The following NDUFA9 variants were observed in gnomAD, a reference collection of about 807,000 sequenced individuals.
NDUFA9 encodes the protein NADH:ubiquinone oxidoreductase subunit A9.
A neutral mutation model predicts 45.9 loss-of-function variants in NDUFA9; 23 were observed. The ratio of observed to expected loss-of-function variants is 0.50; its 90% CI spans 0.36 to 0.71. The LOEUF (loss-of-function observed/expected upper bound fraction) is 0.71, where lower values mean the gene tolerates loss of function less well. Among genes scored for constraint, NDUFA9 ranks in the 30% least tolerant of loss-of-function variants. The pLI is 0.00. For synonymous variants in NDUFA9, 176 were observed against 170.5 expected, an observed-to-expected ratio of 1.03 and a Z score of -0.25; for missense variants, 466 against 488.2, an observed-to-expected ratio of 0.95 and a Z score of 0.43.
chr12:4,688,556 C>T lies in NDUFA9; in HGVS notation c.*1448C>T, dbSNP rs1459077496. 1.3e-5 allele frequency: 2 copies of T among 151,018 alleles called. No individual in the cohort carries two copies. Among genetic ancestry groups the T allele is most frequent in the Non-Finnish European group, 2.9e-5 (2 of 67,978 alleles). 9.4% of individuals were successfully genotyped at this position (151,018 alleles called of 1,614,324 possible). ...TGTTGAATCAGAATCTGCATTTTAG[C>T]AAGGTCTCCAGGAGATTTGTATGCA... On this transcript the variant is annotated 3_prime_UTR_variant, in exon 11 of 11. Coordinates refer to ENST00000266544, the MANE Select transcript of NDUFA9 (RefSeq NM_005002.5).
chr12:4,662,106 C>G (rs571225200), intron 5 of NDUFA9, among the ~76,000 whole-genome samples: 1 of 152,328 alleles, frequency 6.6e-6, no homozygotes, highest in African/African-American at 2.4e-5. Flanking sequence ...GGATTAGTGA[C>G]TCTATCCCCA....
At position 4,662,880 on chromosome 12, in the gene NDUFA9, T is replaced by C. The variant is rs960885046; in HGVS notation, c.655+245T>C. 2.0e-5 allele frequency among the ~76,000 whole-genome samples: 3 copies of C among 152,220 alleles called. No individual in the cohort carries two copies. In the East Asian group the frequency reaches 5.8e-4, roughly 29 times the overall value. The stretch of plus-strand genomic sequence containing the variant: ...GGAGTCAGAGACTTGAGTTTAAGTC[T>C]TGGCCCAGCTAACTCTGTGACCTTG... On this transcript the variant is annotated intron_variant, in intron 6 of 10. Coordinates refer to ENST00000266544, the MANE Select transcript of NDUFA9 (RefSeq NM_005002.5).
chr12:4,674,582 C>T (rs1054913751), intron 8 of NDUFA9, among the ~76,000 whole-genome samples: 11 of 152,188 alleles, frequency 7.2e-5, no homozygotes, highest in African/African-American at 2.4e-4. Context: ...AAGGGCATTA[C>T]ATAATGGTAA....
At chr12:4,675,633 A>G (rs935139166) in intron 8 of NDUFA9, among the ~76,000 whole-genome samples, 17 of 152,178 alleles carry the variant, frequency 1.1e-4, no homozygotes, top group African/African-American at 4.1e-4. Flanking sequence ...CCCTTAATAG[A>G]CCTATAACAA....
intron 8 of NDUFA9, among the ~76,000 whole-genome samples, chr12:4,680,671 A>G (rs1945947089): frequency 6.6e-6 from 1 of 152,190 alleles, no homozygotes; most frequent in Non-Finnish European, 1.5e-5. Flanking sequence ...GATCCTTACA[A>G]ATCCCTCTGG....
intron 6 of NDUFA9, among the ~76,000 whole-genome samples, chr12:4,663,904 G>C (rs549393361): frequency 6.6e-6 from 1 of 152,298 alleles, no homozygotes; most frequent in Admixed American, 6.5e-5. Flanking sequence ...AAATGAGTAA[G>C]ATGTCATTGG....
chr12:4,690,674 C>T lies in NDUFA9; in HGVS notation c.*3566C>T, dbSNP rs1946014188. ...GCAGTGAGCTGAGATCACACCACTG[C>T]ACTCCAGCCTGGGAGACAGAGGGAG... On this transcript the variant is annotated 3_prime_UTR_variant, in exon 11 of 11. Coordinates refer to ENST00000266544, the MANE Select transcript of NDUFA9 (RefSeq NM_005002.5). 1 of 152,022 alleles carries T rather than the reference C, an allele frequency of 6.6e-6. No individual in the cohort carries two copies. The highest frequency in any genetic ancestry group is 1.9e-4 in the East Asian group (1 of 5,174). 9.4% of individuals were successfully genotyped at this position (152,022 alleles called of 1,614,324 possible). A position where few individuals can be genotyped will look rare whatever the true frequency, so the allele number is the denominator to read the frequency against.
intron 7 of NDUFA9, among the ~76,000 whole-genome samples, chr12:4,669,158 T>C (rs940877036): frequency 2.0e-5 from 3 of 152,252 alleles, no homozygotes; most frequent in Admixed American, 2.0e-4. Context: ...TTAAAGGGTG[T>C]TGGGCAGCAT....
At chr12:4,674,569 G>C (rs1300556825) in intron 8 of NDUFA9, among the ~76,000 whole-genome samples, 1 of 151,954 alleles carries the variant, frequency 6.6e-6, no homozygotes, top group East Asian at 1.9e-4. Flanking sequence ...GATCAAAAGA[G>C]ACAAGGGCAT....
rs571586267 is a variant in NDUFA9, at chr12:4,654,570, C to G, written c.220+108C>G. The G allele has an allele frequency of 1.2e-4, 149 of 1,286,502 alleles. 1 individual carries two copies. The highest frequency in any genetic ancestry group is 9.6e-4 in the Middle Eastern group (5 of 5,196). 79.7% of individuals were successfully genotyped at this position (1,286,502 alleles called of 1,614,324 possible). Reference sequence around the variant, plus strand: ...CATTTTAACAGTATTATGAATTACTCCTGTCTTGGATGTATGTAATTTTTA... The same window carrying G: ...CATTTTAACAGTATTATGAATTACTGCTGTCTTGGATGTATGTAATTTTTA... On this transcript the variant is annotated intron_variant, in intron 2 of 10. Coordinates refer to ENST00000266544, the MANE Select transcript of NDUFA9 (RefSeq NM_005002.5).
In NDUFA9 at chr12:4,681,390, G is replaced by T. The variant is rs117930641; in HGVS notation, c.801-815G>T. 1.8e-3 allele frequency among the ~76,000 whole-genome samples: 273 copies of T among 151,314 alleles called. 2 individuals carry two copies. In the Middle Eastern group the frequency reaches 0.041, roughly 23 times the overall value. On this transcript the variant is annotated intron_variant, in intron 8 of 10. Transcript: ENST00000266544. ...CTTACAAATTATTTTTATAGACAGG[G>T]ACTCCAGGAGGAAAGAAAAGATAGA...
chr12:4,686,424 GTTTTTTTTTTT>G (rs111320780), intron 10 of NDUFA9, among the ~76,000 whole-genome samples: 2 of 135,534 alleles, frequency 1.5e-5, no homozygotes, highest in Admixed American at 1.5e-4. Context: ...AAAGTTACTT[GTTTTTTTTTTT>G]TTTTAATGGG....
chr12:4,686,979 A>T lies in NDUFA9; in HGVS notation c.1005A>T (p.Leu335Phe). The T allele has an allele frequency of 1.2e-6, 2 of 1,614,194 alleles. No individual in the cohort carries two copies. The highest frequency in any genetic ancestry group is 2.7e-5 in the African/African-American group (2 of 75,058). The change falls in exon 11 of 11, where the codon TTA (leucine) becomes TTT (phenylalanine). Residue 335 changes from leucine (L) to phenylalanine (F), a missense_variant. Leu to Phe is a conservative substitution (Grantham distance 22). Coordinates refer to ENST00000266544, the MANE Select transcript of NDUFA9 (RefSeq NM_005002.5). ...TGAAATTGCCTCACCTGCCTGGCTT[A>T]GAAGACCTTGGTATTCAGGCAACAC... ...TDMKLPHLPG[L>F]EDLGIQATPL...
At chr12:4,685,546 GAT>G (rs1292072597) in intron 10 of NDUFA9, among the ~76,000 whole-genome samples, 5 of 152,028 alleles carry the variant, frequency 3.3e-5, no homozygotes, top group Non-Finnish European at 7.4e-5. Context: ...TTCTCTGCTT[GAT>G]CACTCCTGTC....
At chr12:4,675,876 T>C (rs1945916768) in intron 8 of NDUFA9, among the ~76,000 whole-genome samples, 1 of 152,200 alleles carries the variant, frequency 6.6e-6, no homozygotes, top group Non-Finnish European at 1.5e-5. Context: ...TTCAGGCCAA[T>C]GTCCCTGATG....
intron 6 of NDUFA9, among the ~76,000 whole-genome samples, chr12:4,664,912 A>G (rs2084476596): frequency 2.6e-5 from 4 of 152,110 alleles, no homozygotes. Context: ...TTTCTTTCTT[A>G]CGTCTTCCTT....
At chr12:4,679,107 A>G (rs1945937816) in intron 8 of NDUFA9, among the ~76,000 whole-genome samples, 1 of 152,228 alleles carries the variant, frequency 6.6e-6, no homozygotes, top group African/African-American at 2.4e-5. Context: ...TGAAATATTG[A>G]CATGTTACAT....
chr12:4,682,400 G>A, intron 9 of NDUFA9, 100 bp downstream of exon 9: 1 of 696,650 alleles, frequency 1.4e-6, no homozygotes, highest in Admixed American at 2.5e-5. Context: ...TGAAGGGCTG[G>A]TCTCCAGATC....
chr12:4,681,414 G>T (rs116408719), intron 8 of NDUFA9, among the ~76,000 whole-genome samples: 2 of 150,540 alleles, frequency 1.3e-5, no homozygotes, highest in Admixed American at 6.6e-5. Flanking sequence ...AGAAAAGATA[G>T]ATGTATAAAT....
Sources: allele counts gnomAD v4.1 joint callset (sites outside exome capture counted in the v4.1 genomes callset), GRCh38; gene constraint gnomAD v4.1.1; transcripts MANE v1.5; gene names NCBI Gene and HGNC (gene_info 2026-07-23, HGNC 2026-07-21).